THEMIS: variants seen among roughly 807,000 people sequenced by gnomAD.
THEMIS encodes protein THEMIS.
In THEMIS, 37 loss-of-function variants were observed where a neutral mutation model predicts 52.6. The ratio of observed to expected loss-of-function variants is 0.70; its 90% CI spans 0.54 to 0.93. THEMIS has a LOEUF of 0.93. Ranked by LOEUF, THEMIS falls within the 40% of genes least tolerant of loss-of-function variation. The pLI, the probability that THEMIS is intolerant of heterozygous loss-of-function variation, is 0.00. For missense variants in THEMIS, 808 were observed against 763.1 expected (o/e 1.06, Z -0.69); for synonymous variants, 292 against 272.7 (o/e 1.07, Z -0.70).
At chr6:127,696,921 A>G in the THEMIS span, among the ~76,000 whole-genome samples, 1 of 152,126 alleles carries the variant, frequency 6.6e-6, no homozygotes, top group South Asian at 2.1e-4. Context: ...ATACAGTCAC[A>G]TTCTGAGGCA....
intron 4 of THEMIS, among the ~76,000 whole-genome samples, chr6:127,730,331 G>GAA (rs1774739149): frequency 9.5e-6 from 1 of 104,796 alleles, no homozygotes; most frequent in African/African-American, 3.1e-5. Context: ...AAAAAGAAAA[G>GAA]AAAAGAAAAG....
rs1780689746 is a variant in THEMIS at position 127,887,769 on chromosome 6, G to A, written c.91+13073C>T. 2.6e-5 allele frequency among the ~76,000 whole-genome samples: 4 copies of A among 152,100 alleles called. No homozygotes were observed. The South Asian group carries it at 8.3e-4, about 32-fold the overall frequency. On this transcript the variant is annotated intron_variant, in intron 1 of 5. Coordinates refer to ENST00000368248, the MANE Select transcript of THEMIS (RefSeq NM_001010923.3). ...ATGATGAAAATGGTCTTAAATCGAT[G>A]ATGATTATACAACTCTATCAATTTA...
intron 4 of THEMIS, among the ~76,000 whole-genome samples, chr6:127,742,572 G>T (rs955502206): frequency 2.6e-5 from 4 of 151,994 alleles, no homozygotes; most frequent in African/African-American, 7.3e-5. Flanking sequence ...GATACAATGG[G>T]ATATTATTCA....
chr6:127,758,743 C>T (rs270010), intron 4 of THEMIS, among the ~76,000 whole-genome samples: 71,702 of 151,660 alleles, frequency 0.47, 17,882 homozygotes, highest in Non-Finnish European at 0.53. Context: ...GAAGAATAAA[C>T]GAACTACAGG....
At chr6:127,730,321 A>AAGAAAAGAAAAGAAAAGAAAAG (rs1307352446) in intron 4 of THEMIS, among the ~76,000 whole-genome samples, 18 of 61,594 alleles carry the variant, frequency 2.9e-4, no homozygotes, top group Non-Finnish European at 5.8e-4. Flanking sequence ...GAAAAGAGAA[A>AAGAAAAGAAAAGAAAAGAAAAG]AAAAGAAAAG....
At chr6:127,867,808 GA>G (rs1016294698) in intron 1 of THEMIS, among the ~76,000 whole-genome samples, 17 of 152,062 alleles carry the variant, frequency 1.1e-4, no homozygotes, top group African/African-American at 3.9e-4. Flanking sequence ...TCTTATCGAG[GA>G]AAAATGTATA....
chr6:127,706,315 A>G (rs1172144509), downstream of THEMIS, among the ~76,000 whole-genome samples: 8 of 152,138 alleles, frequency 5.3e-5, no homozygotes, highest in Non-Finnish European at 1.0e-4. Flanking sequence ...AATTATCACA[A>G]CAACTCTACA....
chr6:127,860,453 G>C (rs949384370), intron 1 of THEMIS, among the ~76,000 whole-genome samples: 1 of 152,066 alleles, frequency 6.6e-6, no homozygotes, highest in Non-Finnish European at 1.5e-5. Flanking sequence ...AATAAGAAAA[G>C]TTATGGCTGT....
intron 4 of THEMIS, chr6:127,807,252 G>A (rs969822259): frequency 2.0e-5 from 4 of 199,802 alleles, no homozygotes; most frequent in Admixed American, 6.3e-5. Context: ...TCCCAGCTAC[G>A]TGGGAGGCTG....
intron 4 of THEMIS, among the ~76,000 whole-genome samples, chr6:127,808,629 A>G (rs975241299): frequency 6.6e-6 from 1 of 152,222 alleles, no homozygotes. Context: ...ACACATTTAA[A>G]GAACAACTAT....
At chr6:127,722,843 T>C (rs1774409792) in intron 4 of THEMIS, among the ~76,000 whole-genome samples, 1 of 152,032 alleles carries the variant, frequency 6.6e-6, no homozygotes, top group Non-Finnish European at 1.5e-5. Flanking sequence ...CCCAGACTTT[T>C]GTCTTTTCTA....
chr6:127,746,969 ATTATATTATATATAATTATATATAGATAT>A, intron 4 of THEMIS, among the ~76,000 whole-genome samples: 1 of 84,764 alleles, frequency 1.2e-5, no homozygotes, highest in Non-Finnish European at 2.0e-5. Context: ...GATATCTATA[ATTATATTATATATAATTATATATAGATAT>A]CTATAATTAT....
intron 4 of THEMIS, among the ~76,000 whole-genome samples, chr6:127,760,713 G>T (rs913879117): frequency 6.6e-6 from 1 of 152,034 alleles, no homozygotes; most frequent in Admixed American, 6.6e-5. Flanking sequence ...GGAGTTAAAG[G>T]TTGCAGTGAA....
At chr6:127,747,120 AATTAT>A (rs1357232073) in intron 4 of THEMIS, among the ~76,000 whole-genome samples, 1 of 131,330 alleles carries the variant, frequency 7.6e-6, no homozygotes, top group Non-Finnish European at 1.6e-5. Context: ...AGATATCTAT[AATTAT>A]ATTATATATA....
At chr6:127,734,384 C>A (rs923031315) in intron 4 of THEMIS, among the ~76,000 whole-genome samples, 1 of 151,890 alleles carries the variant, frequency 6.6e-6, no homozygotes, top group South Asian at 2.1e-4. Context: ...CCAATGGGGG[C>A]GAAGAATGAG....
At chr6:127,889,341 T>G (rs1027679011) in intron 1 of THEMIS, among the ~76,000 whole-genome samples, 2 of 152,132 alleles carry the variant, frequency 1.3e-5, no homozygotes, top group Admixed American at 1.3e-4. Context: ...AACACCATTT[T>G]TTTCCTCAGA....
chr6:127,776,099 TTTG>T (rs1043282609), intron 4 of THEMIS, among the ~76,000 whole-genome samples: 2 of 152,250 alleles, frequency 1.3e-5, no homozygotes, highest in Non-Finnish European at 2.9e-5. Context: ...TGTATAACTT[TTTG>T]TTATTTATTT....
At chr6:127,879,049 G>A (rs990184929) in intron 1 of THEMIS, among the ~76,000 whole-genome samples, 1 of 152,116 alleles carries the variant, frequency 6.6e-6, no homozygotes, top group Non-Finnish European at 1.5e-5. Flanking sequence ...AAATGGTAAA[G>A]CCTCTGTTAC....
chr6:127,834,617 T>C (rs1195200930), intron 2 of THEMIS, among the ~76,000 whole-genome samples: 1 of 151,910 alleles, frequency 6.6e-6, no homozygotes, highest in Admixed American at 6.6e-5. Context: ...AATAATTGAA[T>C]TGAAACTGTC....
Sources: allele counts gnomAD v4.1 joint callset (sites outside exome capture counted in the v4.1 genomes callset), GRCh38; gene constraint gnomAD v4.1.1; transcripts MANE v1.5; gene names NCBI Gene and HGNC (gene_info 2026-07-23, HGNC 2026-07-21).